The following JTB variants were observed in gnomAD, a reference collection of about 807,000 sequenced individuals.
JTB encodes protein JTB.
Under a neutral mutation model 22.1 loss-of-function variants are expected in JTB, and 10 were observed. The observed-to-expected ratio is 0.45, with a 90% CI of 0.28 to 0.77. The LOEUF (loss-of-function observed/expected upper bound fraction) is 0.77, where lower values mean the gene tolerates loss of function less well. JTB is among the 30% of genes least tolerant of loss of function. The probability of loss-of-function intolerance (pLI) is 0.13; values close to 1 mark genes in which losing one functional copy is unlikely to be tolerated. For synonymous variants in JTB, 83 were observed against 66.8 expected (o/e 1.24, Z -1.18); for missense variants, 137 against 180.3 (o/e 0.76, Z 1.38).
Position 153,974,825 on chromosome 1 carries a change from C to G in JTB, c.295G>C (p.Ala99Pro). 1 of 1,606,206 alleles carries G rather than the reference C, an allele frequency of 6.2e-7. No individual in the cohort carries two copies. Among genetic ancestry groups the G allele is most frequent in the Non-Finnish European group, 8.5e-7 (1 of 1,173,398 alleles). Residue 99 changes from alanine (A) to proline (P), a missense_variant, in exon 5 of 5, where the codon GCT becomes CCT. By Grantham distance (27) the Ala-to-Pro change is conservative (BLOSUM62 -1). Transcript: ENST00000271843. ...CAAAATAAGCGTTGTTCCATCAAAG[C>G]TGAGCGGCAGCTGAGGGCAGGAAGG... ...KRNEFKSCRS[A>P]LMEQRLFWKF... is the part of the protein sequence containing the mutation.
rs772418126 is a variant in JTB, at chr1:153,976,734, CA to C, written c.162del (p.Phe54LeufsTer3). The C allele has an allele frequency of 6.2e-7, 1 of 1,614,136 alleles. No homozygotes were observed. Among genetic ancestry groups the C allele is most frequent in the African/African-American group, 1.3e-5 (1 of 75,034 alleles). ...SNLPCWLVEE[F>X]VVAEECSPCS... is the part of the protein sequence containing the mutation. Reference sequence around the variant, plus strand: ...CATGGAGAGCACTCTTCTGCTACCACAAACTCTTCCACCAGCCAGCATGGCA... The same window carrying C: ...CATGGAGAGCACTCTTCTGCTACCACAACTCTTCCACCAGCCAGCATGGCA... On this transcript the variant is annotated frameshift_variant, in exon 3 of 5. Transcript: ENST00000271843. LOFTEE classifies it high-confidence loss of function.
In JTB at chr1:153,974,848, A is replaced by T; in HGVS notation, c.285-13T>A. The T allele has an allele frequency of 6.3e-7, 1 of 1,594,740 alleles. No homozygotes were observed. The highest frequency in any genetic ancestry group is 8.6e-7 in the Non-Finnish European group (1 of 1,164,126). ...AGCTGAGCGGCAGCTGAGGGCAGGA[A>T]GGAATAGTTATTCCCAAGGAAGGCC... On this transcript the variant is annotated splice_polypyrimidine_tract_variant and intron_variant, in intron 4 of 4. Transcript: ENST00000271843.
At position 153,976,660 on chromosome 1, in the gene JTB, A is replaced by C. The variant is rs762099151; in HGVS notation, c.204+33T>G. 6.7e-6 allele frequency: 5 copies of C among 742,360 alleles called. No individual in the cohort carries two copies. The South Asian group carries it at 1.1e-4, about 16-fold the overall frequency. The allele number at this position is 742,360 out of a possible 1,614,324, so 46.0% of individuals were successfully genotyped here. On this transcript the variant is annotated intron_variant, in intron 3 of 4. Transcript: ENST00000271843. ...TGCTTAAGTGTTTGCTTAGATGTTTAAAAAAAAAAAGGGTAGAGAAATAGA... is the reference window on the plus strand; with the variant it reads ...TGCTTAAGTGTTTGCTTAGATGTTTCAAAAAAAAAAGGGTAGAGAAATAGA...
Position 153,974,656 on chromosome 1 carries a change from C to T in JTB, c.*23G>A. ...TGTCTGAGATAGGGTCTCTAAGACC[C>T]AGGATACAAGGGTGGAATGTAGCTA... On this transcript the variant is annotated 3_prime_UTR_variant, in exon 5 of 5. Transcript: ENST00000271843. 1 of 1,593,214 alleles carries T rather than the reference C, an allele frequency of 6.3e-7. No homozygotes were observed. The highest frequency in any genetic ancestry group is 8.6e-7 in the Non-Finnish European group (1 of 1,162,608).
intron 2 of JTB, 93 bp downstream of exon 2, chr1:153,976,883 C>G: frequency 6.3e-7 from 1 of 1,599,242 alleles, no homozygotes; most frequent in Non-Finnish European, 8.6e-7. Flanking sequence ...CATGTGGTGC[C>G]GGCCTTTTCC....
Position 153,977,457 on chromosome 1 carries a change from G to C in JTB, c.-205C>G, listed in dbSNP as rs573858488. The C allele has an allele frequency of 2.2e-4, 292 of 1,330,490 alleles. No homozygotes were observed. The African/African-American group carries it at 4.1e-3, about 19-fold the overall frequency. 82.4% of individuals were successfully genotyped at this position (1,330,490 alleles called of 1,614,324 possible). The stretch of plus-strand genomic sequence containing the variant: ...GCGAGAAAAATCGATATGTTTTTGC[G>C]GGCTAGGGAGGCGAGCGCCTTCTGC... On this transcript the variant is annotated 5_prime_UTR_variant, in exon 1 of 5. Transcript: ENST00000271843.
rs533464156 is a variant in JTB at position 153,977,067 on chromosome 1, C to A, written c.84-54G>T. 4 of 1,614,044 alleles carry A rather than the reference C, an allele frequency of 2.5e-6. No individual in the cohort carries two copies. The South Asian group carries it at 3.3e-5, about 13-fold the overall frequency. On this transcript the variant is annotated intron_variant, in intron 1 of 4. Coordinates refer to ENST00000271843, the MANE Select transcript of JTB (RefSeq NM_006694.4). ...AGTCAAAACCCAGAAAATAGGGCACCCCCTCCTGCGCTGTCCATGGATAAG... is the reference window on the plus strand; with the variant it reads ...AGTCAAAACCCAGAAAATAGGGCACACCCTCCTGCGCTGTCCATGGATAAG...
chr1:153,975,420 CTTTTTTTTTTTT>C, intron 4 of JTB, among the ~76,000 whole-genome samples: 1 of 112,368 alleles, frequency 8.9e-6, no homozygotes, highest in South Asian at 3.1e-4. Context: ...CTCCCAGCCT[CTTTTTTTTTTTT>C]TTTTTTTTGA....
rs749591763 is a variant in JTB at position 153,976,983 on chromosome 1, C to T, written c.114G>A (p.Lys38=). The T allele has an allele frequency of 8.1e-6, 13 of 1,614,056 alleles. No homozygotes were observed. Among genetic ancestry groups the T allele is most frequent in the Non-Finnish European group, 1.1e-5 (13 of 1,180,048 alleles). ...CQAEAPVQEE[K]LSASTSNLPC... ...TCCCAGACAATCACCCACCTGACAG[C>T]TTCTCTTCCTGCACGGGAGCCTCTG... The change falls in exon 2 of 5, where the codon AAG becomes AAA. Residue 38 remains lysine, a synonymous_variant. Transcript: ENST00000271843.
chr1:153,976,431 A>C, intron 3 of JTB, among the ~76,000 whole-genome samples: 1 of 152,230 alleles, frequency 6.6e-6, no homozygotes, highest in South Asian at 2.1e-4. Context: ...ACTGCACTCC[A>C]GCCTGGGCAA....
In JTB at chr1:153,975,821, C is replaced by T. The variant is rs771707949; in HGVS notation, c.284+5G>A. On this transcript the variant is annotated splice_donor_5th_base_variant and intron_variant, in intron 4 of 4. Transcript: ENST00000271843. ...GTGATCTCAGAGAAGAGAAACAGCA[C>T]TCACCTTTTGAACTCATTTCTCTTA... The T allele has an allele frequency of 6.2e-7, 1 of 1,611,060 alleles. No individual in the cohort carries two copies. The highest frequency in any genetic ancestry group is 8.5e-7 in the Non-Finnish European group (1 of 1,177,218).
At chr1:153,976,820 T>G (rs1648808188) in intron 2 of JTB, 45 bp from the exon 3 acceptor site, 3 of 1,607,866 alleles carry the variant, frequency 1.9e-6, no homozygotes, top group Non-Finnish European at 2.6e-6. Flanking sequence ...TCAGAAAACA[T>G]TTCTCCCAGG....
intron 4 of JTB, among the ~76,000 whole-genome samples, chr1:153,975,099 G>A (rs1273376679): frequency 1.3e-5 from 2 of 152,170 alleles, no homozygotes; most frequent in African/African-American, 2.4e-5. Context: ...TTGGGTTCAA[G>A]TAATTTGGCT....
rs770610777 is a variant in JTB at position 153,974,805 on chromosome 1, T to C, written c.315A>G (p.Leu105=). The part of the protein sequence containing the change: ...SCRSALMEQR[L]FWKFEGAVVC... ...CGACAGCCCCTTCGAACTTCCAAAA[T>C]AAGCGTTGTTCCATCAAAGCTGAGC... is the stretch of plus-strand genomic sequence containing the variant. Residue 105 remains leucine (L), a synonymous_variant, in exon 5 of 5, where the codon TTA becomes TTG. Transcript: ENST00000271843. 1.2e-5 allele frequency: 19 copies of C among 1,610,882 alleles called. No homozygotes were observed. The highest frequency in any genetic ancestry group is 1.5e-5 in the Non-Finnish European group (18 of 1,177,460).
intron 3 of JTB, among the ~76,000 whole-genome samples, 170 bp downstream of exon 3, chr1:153,976,523 G>A (rs982344618): frequency 6.6e-6 from 1 of 152,130 alleles, no homozygotes; most frequent in Non-Finnish European, 1.5e-5. Flanking sequence ...AAAGAAAGGG[G>A]CACATTTTCA....
intron 2 of JTB, 60 bp downstream of exon 2, chr1:153,976,916 G>GA: frequency 6.3e-7 from 1 of 1,591,720 alleles, no homozygotes; most frequent in Non-Finnish European, 8.6e-7. Context: ...GGTATATGGG[G>GA]AAGATACTAA....
At chr1:153,975,124 C>T (rs1648740673) in intron 4 of JTB, among the ~76,000 whole-genome samples, 1 of 151,754 alleles carries the variant, frequency 6.6e-6, no homozygotes, top group African/African-American at 2.4e-5. Context: ...ATCCCGTCTT[C>T]TTTCTTATTA....
Position 153,976,683 on chromosome 1 carries a change from A to T in JTB, c.204+10T>A. On this transcript the variant is annotated intron_variant, in intron 3 of 4. Transcript: ENST00000271843. ...TTAAAAAAAAAAAGGGTAGAGAAAT[A>T]GATACTCACAGCCCGGAAATTAGAG... is the stretch of plus-strand genomic sequence containing the variant. The T allele has an allele frequency of 6.2e-7, 1 of 1,607,598 alleles. No homozygotes were observed. The highest frequency in any genetic ancestry group is 1.1e-5 in the South Asian group (1 of 89,718).
At position 153,974,325 on chromosome 1, in the gene JTB, A is replaced by G. The variant is rs1648699711; in HGVS notation, c.*354T>C. ...TTTGGGTATAGGGTTGAGGGGAAAT[A>G]AGTTTTGAGTGAGAAATAAACGTTT... is the stretch of plus-strand genomic sequence containing the variant. On this transcript the variant is annotated 3_prime_UTR_variant, in exon 5 of 5. Transcript: ENST00000271843. 2.2e-6 allele frequency: 1 copy of G among 450,022 alleles called. No individual in the cohort carries two copies. Among genetic ancestry groups the G allele is most frequent in the Non-Finnish European group, 4.0e-6 (1 of 252,786 alleles). The allele number at this position is 450,022 out of a possible 1,614,324, so 27.9% of individuals were successfully genotyped here.
Sources: gnomAD v4.1 joint callset for allele counts (sites outside exome capture counted in the v4.1 genomes callset) on GRCh38, gnomAD v4.1.1 for gene constraint, MANE v1.5 for transcripts, NCBI Gene and HGNC (gene_info 2026-07-23, HGNC 2026-07-21) for gene names.